Variants in JAKMIP3 observed in about 807,000 individuals in gnomAD.
JAKMIP3 encodes the protein janus kinase and microtubule-interacting protein 3.
JAKMIP3 carries 58 observed loss-of-function variants against 118.5 expected under a neutral mutation model. The ratio of observed to expected loss-of-function variants is 0.49; its 90% CI spans 0.40 to 0.61. JAKMIP3 has a LOEUF of 0.61. JAKMIP3 is among the 20% of genes least tolerant of loss of function. The probability of loss-of-function intolerance (pLI) is 0.00; values close to 1 mark genes in which losing one functional copy is unlikely to be tolerated. For missense variants in JAKMIP3, 950 were observed against 1,109.0 expected (o/e 0.86, Z 2.04); for synonymous variants, 486 against 451.2 (o/e 1.08, Z -0.98).
At chr10:132,133,067 C>T (rs1448269770) in intron 3 of JAKMIP3, among the ~76,000 whole-genome samples, 1 of 152,210 alleles carries the variant, frequency 6.6e-6, no homozygotes, top group East Asian at 1.9e-4. Flanking sequence ...CACACAGAGC[C>T]CGGGGACCGT....
At chr10:132,161,080 G>C (rs1352881355) in intron 19 of JAKMIP3, among the ~76,000 whole-genome samples, 6 of 102,598 alleles carry the variant, frequency 5.8e-5, no homozygotes, top group Admixed American at 1.9e-4. Flanking sequence ...ATGCTGGGGG[G>C]GCCTCTTCCT....
chr10:132,056,504 T>C (rs2133829903), intron 1 of JAKMIP3, among the ~76,000 whole-genome samples: 1 of 152,286 alleles, frequency 6.6e-6, no homozygotes, highest in South Asian at 2.1e-4. Flanking sequence ...TTCCATCCCC[T>C]TTGTGGCTCT....
rs1174651939 is a variant in JAKMIP3 at position 132,072,674 on chromosome 10, T to G, written c.-138+6613T>G. On this transcript the variant is annotated intron_variant, in intron 1 of 23. Coordinates refer to ENST00000684848, the MANE Select transcript of JAKMIP3 (RefSeq NM_001323087.2). ...CTATTTATTTTCTGTTAATATTATC[T>G]CTTCTTGCCTTCTTTGTATTAAGTA... 3.3e-5 allele frequency among the ~76,000 whole-genome samples: 5 copies of G among 152,388 alleles called. No individual in the cohort carries two copies. The East Asian group carries it at 9.6e-4, about 29-fold the overall frequency.
chr10:132,162,538 C>T (rs2058460347), intron 19 of JAKMIP3, among the ~76,000 whole-genome samples: 1 of 152,164 alleles, frequency 6.6e-6, no homozygotes, highest in Admixed American at 6.5e-5. Context: ...TATTTTGTGG[C>T]CGCCAAGAAC....
intron 1 of JAKMIP3, among the ~76,000 whole-genome samples, chr10:132,084,874 A>G (rs2042188114): frequency 6.6e-6 from 1 of 152,212 alleles, no homozygotes; most frequent in Non-Finnish European, 1.5e-5. Flanking sequence ...ATTGTATCAC[A>G]TTTATTGACC....
At chr10:132,167,861 TC>T (rs2059101980) in intron 22 of JAKMIP3, 91 bp from the exon 23 acceptor site, 1 of 886,556 alleles carries the variant, frequency 1.1e-6, no homozygotes, top group African/African-American at 1.9e-5. Flanking sequence ...CCCTCACCCC[TC>T]GGCCCTCGCC....
chr10:132,131,616 G>T (rs1276738350), intron 3 of JAKMIP3, among the ~76,000 whole-genome samples: 5 of 152,038 alleles, frequency 3.3e-5, no homozygotes, highest in Non-Finnish European at 5.9e-5. Flanking sequence ...GAGCAGCTTG[G>T]GTAGGCACAG....
At chr10:132,175,132 A>T (rs1030347429) in intron 23 of JAKMIP3, among the ~76,000 whole-genome samples, 4 of 152,200 alleles carry the variant, frequency 2.6e-5, no homozygotes, top group African/African-American at 7.2e-5. Flanking sequence ...TATCTACTTT[A>T]AAAAAATGAA....
chr10:132,038,312 G>A (rs2037584550), intron 1 of JAKMIP3, among the ~76,000 whole-genome samples: 1 of 152,132 alleles, frequency 6.6e-6, no homozygotes, highest in South Asian at 2.1e-4. Flanking sequence ...CAGGTGCCCC[G>A]AGGGAGCCCA....
intron 5 of JAKMIP3, 116 bp downstream of exon 5, chr10:132,135,276 G>GT: frequency 2.8e-6 from 3 of 1,059,198 alleles, no homozygotes; most frequent in Non-Finnish European, 4.0e-6. Context: ...GCAAGGACCG[G>GT]CCTTGCGTCG....
At position 132,180,690 on chromosome 10, in the gene JAKMIP3, T is replaced by C. The variant is rs1017447841; in HGVS notation, c.*1104-1667T>C. Among the ~76,000 whole-genome samples, 289 of 24,782 alleles carry C rather than the reference T, an allele frequency of 0.012. 36 individuals carry two copies. In the East Asian group the frequency reaches 0.12, roughly 10 times the overall value. The allele number at this position is 24,782 out of a possible 152,430, so 16.3% of individuals were successfully genotyped here. On this transcript the variant is annotated intron_variant, in intron 23 of 23. Transcript: ENST00000684848. ...GCGTGTGTGTGCGCGCGCGTGTGTGTGCGTGCGTGTGTGTGTGCGCGTGTG... is the reference window on the plus strand; with the variant it reads ...GCGTGTGTGTGCGCGCGCGTGTGTGCGCGTGCGTGTGTGTGTGCGCGTGTG...
At chr10:132,155,768 A>T (rs1446039769) in intron 19 of JAKMIP3, among the ~76,000 whole-genome samples, 3 of 152,158 alleles carry the variant, frequency 2.0e-5, no homozygotes, top group Admixed American at 6.5e-5. Flanking sequence ...TGTGCACATG[A>T]CTGCGTGGGA....
intron 3 of JAKMIP3, among the ~76,000 whole-genome samples, chr10:132,126,792 G>C (rs2135544254): frequency 6.6e-6 from 1 of 152,166 alleles, no homozygotes; most frequent in South Asian, 2.1e-4. Context: ...ACGTTAATTG[G>C]CTTTTAAGTA....
chr10:132,101,036 A>G (rs542121552), intron 1 of JAKMIP3, among the ~76,000 whole-genome samples: 1 of 152,090 alleles, frequency 6.6e-6, no homozygotes, highest in South Asian at 2.1e-4. Context: ...AAAAATATCA[A>G]CTCTGCCTCT....
chr10:132,047,637 C>G (rs1178640772), intron 1 of JAKMIP3, among the ~76,000 whole-genome samples: 1 of 91,378 alleles, frequency 1.1e-5, no homozygotes, highest in African/African-American at 3.8e-5. Context: ...CCCCACCCCC[C>G]CCTGCGAGTT....
intron 18 of JAKMIP3, 25 bp from the exon 19 acceptor site, chr10:132,153,888 G>A (rs112499338): frequency 8.1e-6 from 13 of 1,612,752 alleles, no homozygotes; most frequent in East Asian, 2.2e-5. Context: ...ATCCGAGACC[G>A]AGGCATGGCC....
At chr10:132,078,626 G>T (rs58055110) in intron 1 of JAKMIP3, among the ~76,000 whole-genome samples, 21 of 139,356 alleles carry the variant, frequency 1.5e-4, no homozygotes, top group South Asian at 9.2e-4. Context: ...GGGCGGGGGG[G>T]GGGGGGGGTC....
rs2058546947 is a variant in JAKMIP3, at chr10:132,163,253, G to C, written c.2265G>C (p.Gln755His). 1.3e-6 allele frequency: 2 copies of C among 1,582,190 alleles called. No homozygotes were observed. The highest frequency in any genetic ancestry group is 4.6e-5 in the East Asian group (2 of 43,362). The change falls in exon 20 of 24, where the codon CAG (glutamine) becomes CAC (histidine). Residue 755 changes from glutamine to histidine, a missense_variant. Coordinates refer to ENST00000684848, the MANE Select transcript of JAKMIP3 (RefSeq NM_001323087.2). The stretch of plus-strand genomic sequence containing the variant: ...CCATGCTGTATGATGCCCTGCAGCA[G>C]GAGGCCGGGGCTAAGGTGGCTGAGC... Reference protein sequence around the residue: ...LEAMLYDALQQEAGAKVAELL... With the variant: ...LEAMLYDALQHEAGAKVAELL...
intron 3 of JAKMIP3, among the ~76,000 whole-genome samples, chr10:132,127,522 T>C: frequency 6.6e-6 from 1 of 152,198 alleles, no homozygotes; most frequent in East Asian, 1.9e-4. Flanking sequence ...TCCAAAGTGC[T>C]GGGATTACAG....
Sources: allele counts gnomAD v4.1 joint callset (sites outside exome capture counted in the v4.1 genomes callset), GRCh38; gene constraint gnomAD v4.1.1; transcripts MANE v1.5; gene names NCBI Gene and HGNC (gene_info 2026-07-23, HGNC 2026-07-21).